Variants in ROBO2 observed in about 807,000 individuals in gnomAD.
ROBO2 encodes the protein roundabout homolog 2.
In ROBO2, 53 loss-of-function variants were observed where a neutral mutation model predicts 160.8. That is an observed-to-expected ratio of 0.33 (90% CI 0.26 to 0.41). The LOEUF (loss-of-function observed/expected upper bound fraction) is 0.41. Among genes scored for constraint, ROBO2 ranks in the 10% least tolerant of loss-of-function variants. ROBO2 has a pLI of 1.00. For synonymous variants in ROBO2, 664 were observed against 611.7 expected (o/e 1.09, Z -1.26); for missense variants, 1,577 against 1,722.4 (o/e 0.92, Z 1.49).
intron 2 of ROBO2, among the ~76,000 whole-genome samples, chr3:77,365,228 T>C (rs1216763689): frequency 1.3e-5 from 2 of 151,950 alleles, no homozygotes; most frequent in Non-Finnish European, 2.9e-5. Context: ...CTACTGTTTT[T>C]TGTTTGTTTG....
At chr3:76,354,924 C>T (rs2075068087) in intron 2 of ROBO2, among the ~76,000 whole-genome samples, 1 of 151,502 alleles carries the variant, frequency 6.6e-6, no homozygotes, top group Admixed American at 6.6e-5. Context: ...TTTATAAATC[C>T]AATTTTCCTA....
intron 2 of ROBO2, among the ~76,000 whole-genome samples, chr3:77,465,867 A>G (rs537730899): frequency 6.6e-6 from 1 of 152,138 alleles, no homozygotes; most frequent in Non-Finnish European, 1.5e-5. Context: ...ATCACTGTCA[A>G]TGGTGTAATA....
chr3:77,622,562 A>G lies in ROBO2; in HGVS notation c.3760+130A>G, dbSNP rs1292887560. 5.0e-6 allele frequency: 4 copies of G among 804,074 alleles called. No homozygotes were observed. In the Admixed American group the frequency reaches 7.4e-5, roughly 15 times the overall value. 49.8% of individuals were successfully genotyped at this position (804,074 alleles called of 1,614,324 possible). ...TCTGTAACATTTTAAATGTGTTAAT[A>G]TTAAATACAAAATTCAAAAAGGATT... On this transcript the variant is annotated intron_variant, in intron 23 of 25. Coordinates refer to ENST00000461745, the Ensembl canonical transcript of ROBO2.
intron 2 of ROBO2, among the ~76,000 whole-genome samples, chr3:77,444,799 T>C (rs2080297789): frequency 6.6e-6 from 1 of 152,196 alleles, no homozygotes; most frequent in African/African-American, 2.4e-5. Flanking sequence ...CTATATAATG[T>C]ATAGAAAAGG....
At chr3:76,232,170 T>A (rs911158311) in intron 2 of ROBO2, among the ~76,000 whole-genome samples, 9 of 152,154 alleles carry the variant, frequency 5.9e-5, no homozygotes, top group Non-Finnish European at 1.5e-5. Flanking sequence ...AAAAACAACA[T>A]GCAGGGCCTA....
chr3:76,898,397 T>G (rs1577336759), intron 2 of ROBO2, among the ~76,000 whole-genome samples: 1 of 152,176 alleles, frequency 6.6e-6, no homozygotes, highest in African/African-American at 2.4e-5. Flanking sequence ...TTTAAAAGAC[T>G]TACTCTTAAG....
At chr3:76,335,647 G>A (rs888067662) in intron 2 of ROBO2, among the ~76,000 whole-genome samples, 8 of 150,552 alleles carry the variant, frequency 5.3e-5, no homozygotes, top group African/African-American at 1.2e-4. Flanking sequence ...GCGCGATCTC[G>A]GCTCACTGCA....
At chr3:76,064,980 T>C (rs754702641) in intron 2 of ROBO2, among the ~76,000 whole-genome samples, 1 of 152,290 alleles carries the variant, frequency 6.6e-6, no homozygotes, top group Non-Finnish European at 1.5e-5. Context: ...AAAGATTATA[T>C]GTATAGTCAT....
chr3:76,434,508 A>C lies in ROBO2; in HGVS notation c.109+496906A>C, dbSNP rs2076579415. 7.1e-6 allele frequency: 11 copies of C among 1,559,504 alleles called. No homozygotes were observed. The South Asian group carries it at 1.1e-4, about 16-fold the overall frequency. The stretch of plus-strand genomic sequence containing the variant: ...TTTTATACAAACCGAGTCCTCAAAG[A>C]GTACAAAGATGTGGATAAGAAGCAT... On this transcript the variant is annotated intron_variant, in intron 2 of 26. Transcript: ENST00000487694.
intron 2 of ROBO2, among the ~76,000 whole-genome samples, chr3:76,476,495 T>A (rs1451085959): frequency 6.6e-6 from 1 of 152,134 alleles, no homozygotes; most frequent in Non-Finnish European, 1.5e-5. Context: ...TTGAAAAAAA[T>A]AATGACATCT....
chr3:76,217,941 A>C (rs559930114), intron 2 of ROBO2, among the ~76,000 whole-genome samples: 1 of 152,268 alleles, frequency 6.6e-6, no homozygotes, highest in East Asian at 1.9e-4. Context: ...GAATCCAGCA[A>C]CACATCAAAA....
intron 2 of ROBO2, among the ~76,000 whole-genome samples, chr3:76,622,299 AAAGAAAGAAAG>A (rs1248752156): frequency 9.4e-5 from 9 of 95,972 alleles, no homozygotes; most frequent in African/African-American, 3.0e-4. Context: ...AGAAAGAAAG[AAAGAAAGAAAG>A]AAAACATAGC....
chr3:77,347,631 C>T (rs2067813769), intron 2 of ROBO2, among the ~76,000 whole-genome samples: 1 of 152,030 alleles, frequency 6.6e-6, no homozygotes, highest in Admixed American at 6.6e-5. Flanking sequence ...CCTTACGACC[C>T]ACGGTGACTT....
chr3:77,139,956 T>C (rs898089381), intron 2 of ROBO2, among the ~76,000 whole-genome samples: 11 of 152,146 alleles, frequency 7.2e-5, no homozygotes, highest in Admixed American at 6.5e-4. Flanking sequence ...CTTTACCTCC[T>C]CATGACCAGC....
At chr3:77,617,582 A>C in exon 22 of ROBO2, 5 of 1,614,178 alleles carry the variant, frequency 3.1e-6, no homozygotes, top group Non-Finnish European at 4.2e-6. Flanking sequence ...TGGAAGATGA[A>C]CTGGAAGAAG....
chr3:77,130,710 T>G (rs2075780349), intron 2 of ROBO2, among the ~76,000 whole-genome samples: 1 of 152,190 alleles, frequency 6.6e-6, no homozygotes, highest in Admixed American at 6.5e-5. Context: ...TATTGATACG[T>G]ACTTCAATGC....
chr3:76,850,995 A>G (rs908042327), intron 2 of ROBO2, among the ~76,000 whole-genome samples: 7 of 152,212 alleles, frequency 4.6e-5, no homozygotes, highest in African/African-American at 1.7e-4. Flanking sequence ...TTCTAAGGCT[A>G]TAAATGCCTG....
chr3:76,677,064 G>T (rs907351801), intron 2 of ROBO2, among the ~76,000 whole-genome samples: 1 of 151,510 alleles, frequency 6.6e-6, no homozygotes, highest in African/African-American at 2.4e-5. Context: ...GTATACAAGT[G>T]CTACTAAAGT....
At chr3:77,528,993 C>T (rs1333042275) in intron 6 of ROBO2, among the ~76,000 whole-genome samples, 2 of 151,454 alleles carry the variant, frequency 1.3e-5, no homozygotes, top group Non-Finnish European at 3.0e-5. Context: ...TAAGATGATG[C>T]AGCAACAGAC....
Sources: allele counts gnomAD v4.1 joint callset (sites outside exome capture counted in the v4.1 genomes callset), GRCh38; gene constraint gnomAD v4.1.1; transcripts MANE v1.5; gene names NCBI Gene and HGNC (gene_info 2026-07-23, HGNC 2026-07-21).